The following TUBB6 variants were observed in gnomAD, a reference collection of about 807,000 sequenced individuals.
TUBB6 encodes tubulin beta 6 class V, also known as tubulin beta-6 chain.
Under a neutral mutation model 32.3 loss-of-function variants are expected in TUBB6, and 18 were observed. The observed-to-expected ratio is 0.56, with a 90% CI of 0.39 to 0.83. The LOEUF is 0.83. Ranked by LOEUF, TUBB6 falls within the 40% of genes least tolerant of loss-of-function variation. The probability of loss-of-function intolerance (pLI) is 0.00; values close to 1 mark genes in which losing one functional copy is unlikely to be tolerated. For synonymous variants in TUBB6, 280 were observed against 265.8 expected (o/e 1.05, Z -0.52); for missense variants, 480 against 632.0 (o/e 0.76, Z 2.58).
At position 12,325,317 on chromosome 18, in the gene TUBB6, G is replaced by C; in HGVS notation, c.528G>C (p.Ser176=). Residue 176 remains serine (S), a synonymous_variant, in exon 4 of 4, where the codon TCG becomes TCC. Transcript: ENST00000317702. ...GCGTCATGCCCTCGCCCAAGGTGTC[G>C]GACACGGTGGTGGAGCCCTACAATG... The part of the protein sequence containing the change: ...TFSVMPSPKV[S]DTVVEPYNAT... 1 of 1,614,200 alleles carries C rather than the reference G, an allele frequency of 6.2e-7. No homozygotes were observed. The highest frequency in any genetic ancestry group is 8.5e-7 in the Non-Finnish European group (1 of 1,180,022).
chr18:12,322,692 A>G (rs1208590647), intron 3 of TUBB6, among the ~76,000 whole-genome samples: 3 of 152,224 alleles, frequency 2.0e-5, no homozygotes, highest in Non-Finnish European at 2.9e-5. Context: ...TGTGGACAAG[A>G]TTTCTCATAT....
intron 3 of TUBB6, among the ~76,000 whole-genome samples, chr18:12,315,926 T>C (rs1906649351): frequency 6.6e-6 from 1 of 152,242 alleles, no homozygotes. Context: ...TCATATGCTT[T>C]TGCATGCCTT....
chr18:12,312,779 C>A (rs1434505185), intron 3 of TUBB6, among the ~76,000 whole-genome samples: 2 of 152,018 alleles, frequency 1.3e-5, no homozygotes, highest in African/African-American at 4.8e-5. Context: ...GCGGGCGGAT[C>A]ACCTGAGGTC....
intron 2 of TUBB6, among the ~76,000 whole-genome samples, chr18:12,310,490 C>CA (rs11315396): frequency 4.8e-5 from 5 of 104,360 alleles, no homozygotes; most frequent in African/African-American, 7.0e-5. Context: ...GACTCCATCG[C>CA]AAAAAAAAAA....
chr18:12,324,187 G>A (rs1907136512), intron 3 of TUBB6, among the ~76,000 whole-genome samples: 1 of 152,046 alleles, frequency 6.6e-6, no homozygotes, highest in Non-Finnish European at 1.5e-5. Context: ...GGCTAACACG[G>A]TGAAACCCCG....
chr18:12,325,187 T>C lies in TUBB6; in HGVS notation c.398T>C (p.Phe133Ser). 6.2e-7 allele frequency: 1 copy of C among 1,614,068 alleles called. No individual in the cohort carries two copies. The highest frequency in any genetic ancestry group is 8.5e-7 in the Non-Finnish European group (1 of 1,179,994). The change falls in exon 4 of 4, where the codon TTC becomes TCC. Residue 133 changes from phenylalanine (F) to serine (S), a missense_variant. Physicochemically the swap from Phe to Ser is radical, Grantham distance 155. Transcript: ENST00000317702. ...ECEHCDCLQGFQLTHSLGGGT... is the reference protein window; with the variant it reads ...ECEHCDCLQGSQLTHSLGGGT... ...GAGCACTGCGACTGCCTGCAGGGCT[T>C]CCAGCTCACGCACTCGCTGGGCGGC... is the stretch of plus-strand genomic sequence containing the variant.
At chr18:12,314,112 T>C (rs548244375) in intron 3 of TUBB6, among the ~76,000 whole-genome samples, 2 of 152,224 alleles carry the variant, frequency 1.3e-5, no homozygotes, top group South Asian at 2.1e-4. Flanking sequence ...AGAGTTAACA[T>C]AGCCAGGAAG....
chr18:12,329,161 G>C, downstream of TUBB6: 1 of 702,942 alleles, frequency 1.4e-6, no homozygotes, highest in East Asian at 2.7e-5. Flanking sequence ...CTGCACAGGG[G>C]AACTGAGGAG....
At position 12,310,989 on chromosome 18, in the gene TUBB6, C is replaced by G; in HGVS notation, c.213C>G (p.Gly71=). The G allele has an allele frequency of 6.2e-7, 1 of 1,613,828 alleles. No individual in the cohort carries two copies. Among genetic ancestry groups the G allele is most frequent in the Non-Finnish European group, 8.5e-7 (1 of 1,179,838 alleles). Reference sequence around the variant, plus strand: ...CCGCCCTGGTGGACTTAGAGCCAGGCACCATGGACAGCGTGCGGTCTGGGC... The same window carrying G: ...CCGCCCTGGTGGACTTAGAGCCAGGGACCATGGACAGCGTGCGGTCTGGGC... ...PRAALVDLEP[G]TMDSVRSGPF... is the part of the protein sequence containing the mutation. Residue 71 remains glycine, a synonymous_variant, in exon 3 of 4, where the codon GGC becomes GGG. Coordinates refer to ENST00000317702, the MANE Select transcript of TUBB6 (RefSeq NM_032525.3).
At chr18:12,329,201 G>A, downstream of TUBB6, 1 of 702,944 alleles carries the variant, frequency 1.4e-6, no homozygotes, top group East Asian at 2.7e-5. Flanking sequence ...GCGACAAAGA[G>A]AAAGCATCCC....
At chr18:12,324,859 A>T (rs768202665) in intron 3 of TUBB6, 8 of 1,392,262 alleles carry the variant, frequency 5.7e-6, no homozygotes, top group Non-Finnish European at 7.4e-6. Flanking sequence ...ATACATCTTT[A>T]AAATTGACCA....
intron 3 of TUBB6, among the ~76,000 whole-genome samples, chr18:12,319,464 G>T (rs767547748): frequency 3.9e-5 from 6 of 152,118 alleles, no homozygotes; most frequent in Non-Finnish European, 7.4e-5. Flanking sequence ...ATTTTTCTGT[G>T]TCCATGTGCA....
chr18:12,308,179 G>A (rs934749586), upstream of TUBB6: 30 of 676,292 alleles, frequency 4.4e-5, no homozygotes, highest in South Asian at 6.5e-5. Flanking sequence ...AGCCATTGGC[G>A]AGCGGCGGGG....
At chr18:12,322,589 A>C (rs1907047524) in intron 3 of TUBB6, among the ~76,000 whole-genome samples, 1 of 152,188 alleles carries the variant, frequency 6.6e-6, no homozygotes, top group South Asian at 2.1e-4. Flanking sequence ...TTTTGATAAT[A>C]GCTCACTATT....
At chr18:12,311,522 G>C (rs886201871) in intron 3 of TUBB6, among the ~76,000 whole-genome samples, 2 of 152,134 alleles carry the variant, frequency 1.3e-5, no homozygotes, top group Non-Finnish European at 2.9e-5. Context: ...GCTGGAACCC[G>C]GGAGGTAGAG....
intron 3 of TUBB6, among the ~76,000 whole-genome samples, chr18:12,314,242 C>T (rs563514727): frequency 6.6e-6 from 1 of 151,960 alleles, no homozygotes; most frequent in Non-Finnish European, 1.5e-5. Flanking sequence ...AGGACCCCCC[C>T]CAAGCATCTT....
intron 3 of TUBB6, among the ~76,000 whole-genome samples, chr18:12,315,905 C>T (rs573789104): frequency 1.3e-5 from 2 of 152,280 alleles, no homozygotes; most frequent in South Asian, 4.1e-4. Context: ...TGTAGAGATT[C>T]ATATTATTTT....
intron 3 of TUBB6, among the ~76,000 whole-genome samples, chr18:12,315,792 A>G (rs2144141843): frequency 6.6e-6 from 1 of 152,344 alleles, no homozygotes; most frequent in African/African-American, 2.4e-5. Context: ...AAATAGGAAA[A>G]AAGTATATAA....
intron 3 of TUBB6, among the ~76,000 whole-genome samples, chr18:12,318,427 A>G (rs1015716714): frequency 1.1e-4 from 17 of 148,732 alleles, no homozygotes; most frequent in African/African-American, 4.3e-4. Flanking sequence ...GATGCTGTCT[A>G]CGGCTTGTGA....
Sources: allele counts gnomAD v4.1 joint callset (sites outside exome capture counted in the v4.1 genomes callset), GRCh38; gene constraint gnomAD v4.1.1; transcripts MANE v1.5; gene names NCBI Gene and HGNC (gene_info 2026-07-23, HGNC 2026-07-21).